The following METTL22 variants were observed in gnomAD, a reference collection of about 807,000 sequenced individuals.
The protein encoded by METTL22 is methyltransferase-like protein 22.
In METTL22, 51 loss-of-function variants were observed where a neutral mutation model predicts 48.4. The observed-to-expected ratio is 1.05, with a 90% CI of 0.84 to 1.33. METTL22 has a LOEUF of 1.33. Ranked by LOEUF, METTL22 falls within the 40% of genes most tolerant of loss-of-function variation. The probability of loss-of-function intolerance (pLI) is 0.00; values close to 1 mark genes in which losing one functional copy is unlikely to be tolerated. For missense variants in METTL22, 678 were observed against 526.9 expected (o/e 1.29, Z -2.81); for synonymous variants, 255 against 214.1 (o/e 1.19, Z -1.67).
chr16:8,645,894 C>T (rs1482302289), intron 10 of METTL22: 9 of 985,972 alleles, frequency 9.1e-6, no homozygotes, highest in Admixed American at 2.2e-4. Flanking sequence ...AATGCTGGGA[C>T]TTCATCCATC....
In METTL22 at chr16:8,646,102, C is replaced by T. The variant is rs369837648; in HGVS notation, c.1180-6C>T. On this transcript the variant is annotated splice_polypyrimidine_tract_variant and splice_region_variant and intron_variant, in intron 10 of 10. Coordinates refer to ENST00000381920, the MANE Select transcript of METTL22 (RefSeq NM_024109.4). ...AGAAACCTGTTCTTTTCTCTGTTTG[C>T]TGCAGGAGCTCTGGAAGATCATCGC... The T allele has an allele frequency of 1.6e-4, 215 of 1,341,384 alleles. No homozygotes were observed. Among genetic ancestry groups the T allele is most frequent in the Non-Finnish European group, 2.0e-4 (210 of 1,042,482 alleles). 83.1% of individuals were successfully genotyped at this position (1,341,384 alleles called of 1,614,324 possible).
chr16:8,664,409 G>A, the METTL22 span, among the ~76,000 whole-genome samples: 7 of 152,080 alleles, frequency 4.6e-5, no homozygotes, highest in South Asian at 1.5e-3. Context: ...GCCTCCCAAA[G>A]TGTTGGGATT....
intron 10 of METTL22, chr16:8,645,853 T>G: frequency 8.4e-7 from 1 of 1,194,176 alleles, no homozygotes; most frequent in Non-Finnish European, 1.1e-6. Flanking sequence ...TCTCTTCTGA[T>G]TGTTTGACAT....
At chr16:8,660,261 C>G in the METTL22 span, among the ~76,000 whole-genome samples, 7 of 152,122 alleles carry the variant, frequency 4.6e-5, no homozygotes, top group African/African-American at 1.7e-4. Context: ...ACTGCAGCCT[C>G]CGCCCTCTGG....
In METTL22 at chr16:8,649,117, A is replaced by T. The variant is rs1194704678; in HGVS notation, c.*2974A>T. 6.6e-6 allele frequency: 1 copy of T among 152,230 alleles called. No homozygotes were observed. The highest frequency in any genetic ancestry group is 1.5e-5 in the Non-Finnish European group (1 of 68,038). 9.4% of individuals were successfully genotyped at this position (152,230 alleles called of 1,614,324 possible). On this transcript the variant is annotated 3_prime_UTR_variant, in exon 11 of 11. Coordinates refer to ENST00000381920, the MANE Select transcript of METTL22 (RefSeq NM_024109.4). The stretch of plus-strand genomic sequence containing the variant: ...TCCTGGGTACAAGTCCATAAATGTA[A>T]TTGGCACCAAGCAATAGAGTTGTCA...
At chr16:8,660,156 G>C in the METTL22 span, among the ~76,000 whole-genome samples, 1 of 119,104 alleles carries the variant, frequency 8.4e-6, no homozygotes, top group African/African-American at 2.6e-5. Context: ...AACATGGCCT[G>C]TTTTTGTTTT....
chr16:8,631,328 A>C (rs1415103370), intron 3 of METTL22: 2 of 152,212 alleles, frequency 1.3e-5, no homozygotes, highest in Non-Finnish European at 2.9e-5. Flanking sequence ...ATTATGTTCA[A>C]TTCCCCCACT....
In METTL22 at chr16:8,642,512, A is replaced by G. The variant is rs1416010571; in HGVS notation, c.957A>G (p.Arg319=). ...LTDAVFKTLS[R]LAHRLKNACT... ...ATGCTGTGTTTAAAACGCTCTCCCGACTCGCCCACAGATTGAAAAATGCCT... is the reference window on the plus strand; with the variant it reads ...ATGCTGTGTTTAAAACGCTCTCCCGGCTCGCCCACAGATTGAAAAATGCCT... The change falls in exon 9 of 11, where the codon CGA becomes CGG. Residue 319 remains arginine (R), a synonymous_variant. Transcript: ENST00000381920. The G allele has an allele frequency of 6.2e-6, 10 of 1,613,978 alleles. No individual in the cohort carries two copies. Among genetic ancestry groups the G allele is most frequent in the East Asian group, 4.5e-5 (2 of 44,872 alleles).
downstream of METTL22, among the ~76,000 whole-genome samples, chr16:8,652,674 A>AT (rs199925586): frequency 1.4e-4 from 19 of 132,660 alleles, no homozygotes; most frequent in African/African-American, 4.6e-4. Flanking sequence ...ACAAATAATT[A>AT]TTTTAAAAAA....
At chr16:8,642,371 TA>T in intron 8 of METTL22, 91 bp from the exon 9 acceptor site, 1 of 1,326,194 alleles carries the variant, frequency 7.5e-7, no homozygotes, top group Non-Finnish European at 1.1e-6. Context: ...TCCGTGGTGA[TA>T]AGCATTCTCT....
the METTL22 span, among the ~76,000 whole-genome samples, chr16:8,665,606 G>A: frequency 6.6e-6 from 1 of 152,204 alleles, no homozygotes; most frequent in East Asian, 1.9e-4. Context: ...AAGAAAGCCT[G>A]GATCTTCACA....
rs2055854565 is a variant in METTL22 at position 8,621,750 on chromosome 16, G to A, written c.-196G>A. On this transcript the variant is annotated 5_prime_UTR_variant, in exon 1 of 11. Transcript: ENST00000381920. Reference sequence around the variant, plus strand: ...GTCCCACAGAGACGGGAGTCGGGTGGGATCCCAGGCTGGGCCCCGCGGCGG... The same window carrying A: ...GTCCCACAGAGACGGGAGTCGGGTGAGATCCCAGGCTGGGCCCCGCGGCGG... The A allele has an allele frequency of 1.3e-5, 2 of 152,324 alleles. No individual in the cohort carries two copies. The highest frequency in any genetic ancestry group is 2.9e-5 in the Non-Finnish European group (2 of 68,094). The allele number at this position is 152,324 out of a possible 1,614,324, so 9.4% of individuals were successfully genotyped here.
the METTL22 span, among the ~76,000 whole-genome samples, chr16:8,664,212 CAAGT>C: frequency 2.0e-5 from 3 of 152,008 alleles, no homozygotes; most frequent in African/African-American, 4.8e-5. Flanking sequence ...CTCAGGCTCC[CAAGT>C]AAGTGGAACC....
At chr16:8,634,782 G>A (rs1219856921) in intron 3 of METTL22, among the ~76,000 whole-genome samples, 1 of 152,132 alleles carries the variant, frequency 6.6e-6, no homozygotes, top group Non-Finnish European at 1.5e-5. Context: ...CCTAGCCTTG[G>A]GCTGTAGGGC....
Position 8,642,555 on chromosome 16 carries a change from G to T in METTL22, c.1000G>T (p.Val334Leu). 1 of 1,614,212 alleles carries T rather than the reference G, an allele frequency of 6.2e-7. No homozygotes were observed. Among genetic ancestry groups the T allele is most frequent in the South Asian group, 1.1e-5 (1 of 91,088 alleles). ...LKNACTAILS[V>L]EKRLNFTLRH... The stretch of plus-strand genomic sequence containing the variant: ...AAATGCCTGCACAGCCATACTGTCG[G>T]TGGAGAAGAGGTGAGCTTTGCGCCA... Residue 334 changes from valine to leucine, a missense_variant, in exon 9 of 11, where the codon GTG becomes TTG. Val to Leu is a conservative substitution (Grantham distance 32). Transcript: ENST00000381920.
chr16:8,663,586 T>G, the METTL22 span, among the ~76,000 whole-genome samples: 2 of 151,270 alleles, frequency 1.3e-5, no homozygotes, highest in Admixed American at 6.6e-5. Context: ...CTGGGGGAGG[T>G]CCTCCCACTC....
At chr16:8,629,717 C>G (rs901045040) in intron 3 of METTL22, among the ~76,000 whole-genome samples, 48 of 152,242 alleles carry the variant, frequency 3.2e-4, no homozygotes, top group African/African-American at 1.2e-3. Context: ...CAAAGAGGAA[C>G]TGCTACCCAG....
intron 5 of METTL22, among the ~76,000 whole-genome samples, chr16:8,636,540 CAA>C (rs2056429751): frequency 4.0e-4 from 2 of 4,972 alleles, no homozygotes; most frequent in African/African-American, 8.3e-4. Flanking sequence ...AAAAAAAAAA[CAA>C]ACTTTATATA....
At chr16:8,638,989 T>G (rs1481675802) in intron 5 of METTL22, 102 bp from the exon 6 acceptor site, 1 of 1,141,874 alleles carries the variant, frequency 8.8e-7, no homozygotes, top group African/African-American at 1.5e-5. Context: ...TTCTCTAATT[T>G]CTGCAGTTGT....
Sources: gnomAD v4.1 joint callset for allele counts (sites outside exome capture counted in the v4.1 genomes callset) on GRCh38, gnomAD v4.1.1 for gene constraint, MANE v1.5 for transcripts, NCBI Gene and HGNC (gene_info 2026-07-23, HGNC 2026-07-21) for gene names.